DYSF: variants seen among roughly 807,000 people sequenced by gnomAD.
DYSF encodes dystrophy-associated fer-1-like 1.
DYSF carries 212 observed loss-of-function variants against 274.9 expected under a neutral mutation model. The observed-to-expected ratio is 0.77, with a 90% confidence interval of 0.69 to 0.86. The LOEUF (loss-of-function observed/expected upper bound fraction) is 0.86. Ranked by LOEUF, DYSF falls within the 40% of genes least tolerant of loss-of-function variation. DYSF has a pLI of 0.00. For missense variants in DYSF, 2,666 were observed against 2,783.2 expected, an observed-to-expected ratio of 0.96 and a Z score of 0.95; for synonymous variants, 1,091 against 1,078.7, an observed-to-expected ratio of 1.01 and a Z score of -0.22.
At chr2:71,584,335 C>T (rs1437773939) in intron 30 of DYSF, among the ~76,000 whole-genome samples, 1 of 152,158 alleles carries the variant, frequency 6.6e-6, no homozygotes, top group African/African-American at 2.4e-5. Context: ...CCTCTAGGCT[C>T]CAGTGTGCTG....
intron 30 of DYSF, among the ~76,000 whole-genome samples, chr2:71,584,790 C>T (rs926208405): frequency 2.0e-5 from 3 of 152,124 alleles, no homozygotes; most frequent in Non-Finnish European, 4.4e-5. Flanking sequence ...GGCTGGGCAG[C>T]CAAGGAGGTG....
intron 49 of DYSF, 29 bp from the exon 50 acceptor site, chr2:71,669,083 A>G: frequency 6.5e-7 from 1 of 1,548,888 alleles, no homozygotes; most frequent in Non-Finnish European, 8.8e-7. Context: ...TAGGAAATCT[A>G]GGTGGATTAG....
chr2:71,510,001 C>T (rs1380680526), intron 4 of DYSF, among the ~76,000 whole-genome samples: 3 of 152,206 alleles, frequency 2.0e-5, no homozygotes, highest in African/African-American at 7.2e-5. Context: ...TGGTCTCAAA[C>T]TCCTGACCTC....
intron 3 of DYSF, among the ~76,000 whole-genome samples, chr2:71,495,805 C>T (rs1469951214): frequency 1.3e-5 from 2 of 152,032 alleles, no homozygotes; most frequent in Non-Finnish European, 2.9e-5. Flanking sequence ...GGGGCAGGGG[C>T]TCTGCTACCC....
At chr2:71,678,739 G>A (rs547050933) in intron 52 of DYSF, among the ~76,000 whole-genome samples, 3 of 152,224 alleles carry the variant, frequency 2.0e-5, no homozygotes, top group African/African-American at 7.2e-5. Context: ...ATGTATGGCT[G>A]TTTATAGACG....
At chr2:71,565,652 G>T (rs1172619761) in intron 24 of DYSF, among the ~76,000 whole-genome samples, 1 of 152,234 alleles carries the variant, frequency 6.6e-6, no homozygotes, top group African/African-American at 2.4e-5. Flanking sequence ...TGTCCCCTGG[G>T]GGGTGTGGAG....
At chr2:71,516,452 C>T (rs2086667583) in intron 9 of DYSF, among the ~76,000 whole-genome samples, 1 of 152,222 alleles carries the variant, frequency 6.6e-6, no homozygotes, top group Non-Finnish European at 1.5e-5. Context: ...GAGTAACTCA[C>T]AGTCAGGCTC....
At chr2:71,606,862 C>T (rs910055282) in intron 36 of DYSF, among the ~76,000 whole-genome samples, 1 of 152,146 alleles carries the variant, frequency 6.6e-6, no homozygotes, top group Non-Finnish European at 1.5e-5. Flanking sequence ...CAGGGTCAGG[C>T]TAGAGCAGGC....
chr2:71,665,084 A>G lies in DYSF; in HGVS notation c.5175-78A>G. The G allele has an allele frequency of 2.5e-6, 4 of 1,604,482 alleles. No individual in the cohort carries two copies. The Admixed American group carries it at 6.7e-5, about 27-fold the overall frequency. ...AGTGGGCAATGCTGTACATGGGGGT[A>G]CACCAGTCCCTGCATGCCCCTCTAC... On this transcript the variant is annotated intron_variant, in intron 46 of 55. Transcript: ENST00000410020.
intron 32 of DYSF, among the ~76,000 whole-genome samples, chr2:71,596,717 C>G (rs2093418011): frequency 6.6e-6 from 1 of 152,196 alleles, no homozygotes; most frequent in African/African-American, 2.4e-5. Flanking sequence ...TCCCATTGCC[C>G]TCTTCTGTTC....
At chr2:71,515,572 G>A in intron 7 of DYSF, 51 bp from the exon 8 acceptor site, 1 of 1,613,696 alleles carries the variant, frequency 6.2e-7, no homozygotes, top group Non-Finnish European at 8.5e-7. Flanking sequence ...ATGGTGGGTG[G>A]TCCTTAACTC....
rs1475614698 is a variant in DYSF at position 71,600,730 on chromosome 2, T to C, written c.3785T>C (p.Ile1262Thr). The C allele has an allele frequency of 1.2e-6, 2 of 1,614,132 alleles. No homozygotes were observed. The highest frequency in any genetic ancestry group is 1.7e-6 in the Non-Finnish European group (2 of 1,180,026). The change falls in exon 34 of 56, where the codon ATC (isoleucine) becomes ACC (threonine). Residue 1262 changes from isoleucine to threonine, a missense_variant. Ile to Thr is a moderately conservative substitution (Grantham distance 89, BLOSUM62 -1). This residue lies in a region of DYSF where 1,460 missense variants were observed against 1,502.1 expected (regional missense o/e 0.97). Transcript: ENST00000410020. Reference sequence around the variant, plus strand: ...GCAGACGAGTTTATGGGTCGCTGCATCTGTCAACCGAGTCTGGAACGGATG... The same window carrying C: ...GCAGACGAGTTTATGGGTCGCTGCACCTGTCAACCGAGTCTGGAACGGATG... ...YGADEFMGRC[I>T]CQPSLERMPR...
chr2:71,526,296 G>C lies in DYSF; in HGVS notation c.1226G>C (p.Arg409Pro). The C allele has an allele frequency of 3.7e-6, 6 of 1,614,204 alleles. No homozygotes were observed. Among genetic ancestry groups the C allele is most frequent in the Non-Finnish European group, 5.1e-6 (6 of 1,180,028 alleles). The stretch of plus-strand genomic sequence containing the variant: ...CTCCGGCCCACAGGCGTAGCCCTGC[G>C]AGGAGCCCACTTCTGCCTGAAGGTC... Reference protein sequence around the residue: ...NLLRPTGVALRGAHFCLKVFR... With the variant: ...NLLRPTGVALPGAHFCLKVFR... The change falls in exon 13 of 56, where the codon CGA becomes CCA. Residue 409 changes from arginine to proline, a missense_variant. Physicochemically the swap from Arg to Pro is moderately radical, Grantham distance 103. This residue lies in a region of DYSF where 794 missense variants were observed against 777.1 expected (regional missense o/e 1.02). Transcript: ENST00000410020.
intron 36 of DYSF, among the ~76,000 whole-genome samples, 183 bp downstream of exon 36, chr2:71,602,988 T>C (rs1303395527): frequency 6.6e-6 from 1 of 152,184 alleles, no homozygotes; most frequent in Non-Finnish European, 1.5e-5. Flanking sequence ...GAGTGTGTCC[T>C]GGGGGTGATC....
chr2:71,577,079 G>C (rs577914786), intron 30 of DYSF: 1 of 152,858 alleles, frequency 6.5e-6, no homozygotes, highest in Non-Finnish European at 1.5e-5. Context: ...GGCTTCAGAG[G>C]GCAGATCCCA....
At chr2:71,487,741 T>C (rs1009257317) in intron 3 of DYSF, among the ~76,000 whole-genome samples, 1 of 152,212 alleles carries the variant, frequency 6.6e-6, no homozygotes, top group Non-Finnish European at 1.5e-5. Context: ...ACTCCTGACC[T>C]CAGGTGATCT....
intron 40 of DYSF, among the ~76,000 whole-genome samples, chr2:71,618,317 TG>T (rs2152889023): frequency 1.2e-4 from 12 of 96,772 alleles, no homozygotes; most frequent in Non-Finnish European, 1.8e-4. Flanking sequence ...TGTGTGTGTG[TG>T]TGGTAGAGAT....
intron 30 of DYSF, among the ~76,000 whole-genome samples, chr2:71,587,274 C>T (rs561934940): frequency 6.5e-4 from 99 of 152,234 alleles, no homozygotes; most frequent in Non-Finnish European, 5.6e-4. Context: ...TACCTGTTCA[C>T]GAGGGAGGAT....
chr2:71,560,150 C>T (rs149769711), intron 22 of DYSF, among the ~76,000 whole-genome samples: 1 of 152,346 alleles, frequency 6.6e-6, no homozygotes, highest in East Asian at 1.9e-4. Context: ...TACCCCCTGC[C>T]TTGGGCTTTC....
Sources: allele counts gnomAD v4.1 joint callset (sites outside exome capture counted in the v4.1 genomes callset), GRCh38; gene constraint gnomAD v4.1.1; regional missense constraint gnomAD v4.1.1; transcripts MANE v1.5; gene names NCBI Gene and HGNC (gene_info 2026-07-23, HGNC 2026-07-21).